The following PDE1A variants were observed in gnomAD, a reference collection of about 807,000 sequenced individuals.
PDE1A encodes the protein dual specificity calcium/calmodulin-dependent 3',5'-cyclic nucleotide phosphodiesterase 1A.
A neutral mutation model predicts 61.7 loss-of-function variants in PDE1A; 35 were observed. The observed-to-expected ratio is 0.57, with a 90% confidence interval of 0.43 to 0.75. PDE1A has a LOEUF of 0.75. Among genes scored for constraint, PDE1A ranks in the 30% least tolerant of loss-of-function variants. The pLI, the probability that PDE1A is intolerant of heterozygous loss-of-function variation, is 0.00. For synonymous variants in PDE1A, 232 were observed against 213.2 expected (o/e 1.09, Z -0.77); for missense variants, 597 against 630.6 (o/e 0.95, Z 0.57).
At chr2:182,420,213 T>C (rs545419695) in intron 1 of PDE1A, among the ~76,000 whole-genome samples, 1 of 152,204 alleles carries the variant, frequency 6.6e-6, no homozygotes, top group South Asian at 2.1e-4. Context: ...TTTTCTGTTT[T>C]GTTTTGTTTT....
At chr2:182,629,482 T>C in the PDE1A span, among the ~76,000 whole-genome samples, 3 of 152,298 alleles carry the variant, frequency 2.0e-5, no homozygotes, top group African/African-American at 4.8e-5. Context: ...AAAATACACA[T>C]ACACTTATAG....
At chr2:182,462,606 A>G (rs968140423) in intron 2 of PDE1A, among the ~76,000 whole-genome samples, 19 of 152,106 alleles carry the variant, frequency 1.2e-4, no homozygotes, top group African/African-American at 4.6e-4. Flanking sequence ...CAATTTTCTT[A>G]GATATTGACT....
intron 7 of PDE1A, among the ~76,000 whole-genome samples, chr2:182,220,907 G>A (rs1166121522): frequency 6.6e-6 from 1 of 151,824 alleles, no homozygotes; most frequent in Non-Finnish European, 1.5e-5. Context: ...TTATATTGTT[G>A]CATTTTGGTC....
chr2:182,200,939 C>T (rs1337473219), intron 10 of PDE1A, among the ~76,000 whole-genome samples: 2 of 152,140 alleles, frequency 1.3e-5, no homozygotes, highest in Admixed American at 1.3e-4. Flanking sequence ...CAGAGAACGC[C>T]AGTCACAATC....
At chr2:182,675,866 G>A in the PDE1A span, among the ~76,000 whole-genome samples, 3 of 152,120 alleles carry the variant, frequency 2.0e-5, no homozygotes, top group African/African-American at 7.2e-5. Context: ...TTTGTCAGAT[G>A]CATAGTTTGC....
At chr2:182,192,241 T>C (rs1211388284) in intron 10 of PDE1A, among the ~76,000 whole-genome samples, 1 of 152,166 alleles carries the variant, frequency 6.6e-6, no homozygotes, top group Non-Finnish European at 1.5e-5. Flanking sequence ...TATGCAGGGA[T>C]GACCTTCCTA....
downstream of PDE1A, among the ~76,000 whole-genome samples, chr2:182,163,934 C>G (rs891646610): frequency 6.6e-6 from 1 of 152,120 alleles, no homozygotes; most frequent in Admixed American, 6.6e-5. Flanking sequence ...AGGTGAATCA[C>G]AATAGAGGTC....
chr2:182,468,693 A>T (rs193154009), intron 2 of PDE1A, among the ~76,000 whole-genome samples: 26 of 152,112 alleles, frequency 1.7e-4, no homozygotes, highest in Non-Finnish European at 2.5e-4. Flanking sequence ...TACTTTGCTC[A>T]GATCCATCAG....
intron 1 of PDE1A, among the ~76,000 whole-genome samples, chr2:182,396,444 A>C (rs1701710065): frequency 6.6e-6 from 1 of 152,374 alleles, no homozygotes; most frequent in African/African-American, 2.4e-5. Context: ...TTGGAAAATT[A>C]GAATACAGAT....
intron 1 of PDE1A, among the ~76,000 whole-genome samples, chr2:182,310,712 T>A (rs1414874643): frequency 6.6e-6 from 1 of 152,166 alleles, no homozygotes; most frequent in Admixed American, 6.5e-5. Flanking sequence ...ACTGAACTCC[T>A]CACTGCTCCA....
rs193019675 is a variant in PDE1A at position 182,305,507 on chromosome 2, T to A, written c.54-41093A>T. Among the ~76,000 whole-genome samples, 8 of 152,232 alleles carry A rather than the reference T, an allele frequency of 5.3e-5. No individual in the cohort carries two copies. In the East Asian group the frequency reaches 1.5e-3, roughly 29 times the overall value. ...ATCCCTGCTCTAAATTAATTCCAAG[T>A]TTTTTCATGGTCTAAAATTCAGTAC... is the stretch of plus-strand genomic sequence containing the variant. On this transcript the variant is annotated intron_variant, in intron 1 of 13. Coordinates refer to ENST00000351439, the Ensembl canonical transcript of PDE1A.
intron 1 of PDE1A, among the ~76,000 whole-genome samples, chr2:182,335,770 A>G (rs1049508490): frequency 6.6e-6 from 1 of 152,234 alleles, no homozygotes; most frequent in Non-Finnish European, 1.5e-5. Context: ...GACAAGTGGG[A>G]TATAATTAAA....
At chr2:182,225,223 G>A (rs1344891010) in intron 6 of PDE1A, among the ~76,000 whole-genome samples, 1 of 151,904 alleles carries the variant, frequency 6.6e-6, no homozygotes, top group Non-Finnish European at 1.5e-5. Context: ...TATTAAAATA[G>A]AATTGTCAAT....
intron 2 of PDE1A, among the ~76,000 whole-genome samples, chr2:182,248,348 C>T (rs1194675491): frequency 1.4e-5 from 2 of 141,934 alleles, no homozygotes; most frequent in African/African-American, 5.4e-5. Context: ...CCACTGTTTA[C>T]CTCTGAAAAA....
chr2:182,689,824 C>T, the PDE1A span, among the ~76,000 whole-genome samples: 6 of 151,966 alleles, frequency 3.9e-5, no homozygotes, highest in South Asian at 4.2e-4. Flanking sequence ...CAAATAGATG[C>T]AATAAAAAAA....
chr2:182,336,770 TATATATAA>T (rs571357572), intron 1 of PDE1A, among the ~76,000 whole-genome samples: 1,690 of 83,304 alleles, frequency 0.02, 25 homozygotes, highest in South Asian at 0.11. Context: ...AGTATATATA[TATATATAA>T]GTCCCTATGA....
At chr2:182,180,085 T>A (rs150038721) in intron 13 of PDE1A, among the ~76,000 whole-genome samples, 84 of 152,304 alleles carry the variant, frequency 5.5e-4, no homozygotes, top group African/African-American at 2.0e-3. Flanking sequence ...CTTCAGCGTA[T>A]AAGACTAGAA....
the PDE1A span, among the ~76,000 whole-genome samples, chr2:182,593,890 C>T: frequency 6.6e-6 from 1 of 152,104 alleles, no homozygotes; most frequent in East Asian, 1.9e-4. Context: ...TTGAGTATTC[C>T]CTTGTGTGAT....
the PDE1A span, among the ~76,000 whole-genome samples, chr2:182,611,266 C>T: frequency 6.6e-6 from 1 of 152,178 alleles, no homozygotes; most frequent in Non-Finnish European, 1.5e-5. Context: ...CACAGAACTC[C>T]AAGCTGTTTA....
Sources: allele counts gnomAD v4.1 joint callset (sites outside exome capture counted in the v4.1 genomes callset), GRCh38; gene constraint gnomAD v4.1.1; transcripts MANE v1.5; gene names NCBI Gene and HGNC (gene_info 2026-07-23, HGNC 2026-07-21).